Variants in FAT3 observed in about 807,000 individuals in gnomAD.
The protein encoded by FAT3 is protocadherin Fat 3.
A neutral mutation model predicts 310.2 loss-of-function variants in FAT3; 95 were observed. That is an observed-to-expected ratio of 0.31 (90% CI 0.26 to 0.36). The LOEUF (loss-of-function observed/expected upper bound fraction) is 0.36, where lower values mean the gene tolerates loss of function less well. Ranked by LOEUF, FAT3 falls within the 10% of genes least tolerant of loss-of-function variation. The probability of loss-of-function intolerance (pLI) is 1.00; values close to 1 mark genes in which losing one functional copy is unlikely to be tolerated. For synonymous variants in FAT3, 2,314 were observed against 2,192.9 expected (o/e 1.06, Z -1.54); for missense variants, 5,408 against 5,715.6 (o/e 0.95, Z 1.74).
intron 3 of FAT3, among the ~76,000 whole-genome samples, chr11:92,674,760 C>G (rs957037381): frequency 6.6e-6 from 1 of 152,096 alleles, no homozygotes; most frequent in Non-Finnish European, 1.5e-5. Flanking sequence ...AGCTCCCATG[C>G]TCAAGCGATC....
Position 92,801,863 on chromosome 11 carries a change from C to G in FAT3, c.8850C>G (p.Asp2950Glu), listed in dbSNP as rs1197929327. The change falls in exon 10 of 28, where the codon GAC becomes GAG. Residue 2950 changes from aspartate to glutamate, a missense_variant. Around this residue, in one of 5 missense-constraint regions of FAT3, gnomAD observed 4,588 missense variants for 4,809.8 expected, o/e 0.95. Transcript: ENST00000525166. ...GEVVAVLSTW[D>E]RDTSDVNRQV... ...TGGTAGCCGTCCTCAGCACCTGGGA[C>G]AGAGACACATCCGACGTTAATCGCC... 5.6e-6 allele frequency: 9 copies of G among 1,613,816 alleles called. No individual in the cohort carries two copies. The highest frequency in any genetic ancestry group is 1.7e-5 in the Admixed American group (1 of 59,998).
At position 92,442,105 on chromosome 11, in the gene FAT3, A is replaced by ATTTTTTTTT. The variant is rs1565320166; in HGVS notation, c.3293-82528_3293-82527insTTTTTTTTT. 2.3e-3 allele frequency among the ~76,000 whole-genome samples: 47 copies of ATTTTTTTTT among 20,336 alleles called. 2 individuals are homozygous for ATTTTTTTTT. The highest frequency in any genetic ancestry group is 7.0e-3 in the African/African-American group (41 of 5,834). 13.3% of individuals were successfully genotyped at this position (20,336 alleles called of 152,430 possible). ...TTTATATATATATATATATATATAT[A>ATTTTTTTTT]TATATATTTTTTTTTTTTTTTTTTT... On this transcript the variant is annotated intron_variant, in intron 2 of 27. Coordinates refer to ENST00000525166, the MANE Select transcript of FAT3 (RefSeq NM_001367949.2).
At chr11:92,848,614 C>A (rs1391938936) in intron 19 of FAT3, among the ~76,000 whole-genome samples, 1 of 152,204 alleles carries the variant, frequency 6.6e-6, no homozygotes, top group Non-Finnish European at 1.5e-5. Flanking sequence ...AGTTTACAAC[C>A]AGTGTGTTTA....
At chr11:92,414,325 C>A (rs1300320142) in intron 2 of FAT3, among the ~76,000 whole-genome samples, 2 of 152,126 alleles carry the variant, frequency 1.3e-5, no homozygotes, top group Non-Finnish European at 2.9e-5. Flanking sequence ...AACTAGAGAA[C>A]AATTGACAGT....
intron 2 of FAT3, among the ~76,000 whole-genome samples, chr11:92,513,704 G>A (rs531083583): frequency 7.2e-5 from 11 of 152,208 alleles, no homozygotes; most frequent in South Asian, 2.1e-4. Context: ...AGAAATAAGC[G>A]TTAAATGAAT....
intron 3 of FAT3, among the ~76,000 whole-genome samples, chr11:92,665,257 T>C (rs997486644): frequency 2.0e-5 from 3 of 152,168 alleles, no homozygotes; most frequent in Non-Finnish European, 4.4e-5. Flanking sequence ...CCTCAGTTCG[T>C]CTCTGCTGTG....
intron 3 of FAT3, among the ~76,000 whole-genome samples, chr11:92,585,033 A>T (rs1001479149): frequency 6.6e-6 from 1 of 152,148 alleles, no homozygotes; most frequent in Admixed American, 6.6e-5. Flanking sequence ...TGCTAAAAAA[A>T]AATGTAACAT....
At chr11:92,579,132 G>A (rs543549324) in intron 3 of FAT3, among the ~76,000 whole-genome samples, 11 of 152,112 alleles carry the variant, frequency 7.2e-5, no homozygotes, top group African/African-American at 2.6e-4. Context: ...ATCAGTGGTT[G>A]GTTCTTATTA....
At chr11:92,276,234 T>A (rs1946266758) in intron 1 of FAT3, among the ~76,000 whole-genome samples, 1 of 152,158 alleles carries the variant, frequency 6.6e-6, no homozygotes, top group Admixed American at 6.6e-5. Flanking sequence ...TATAATACAT[T>A]TTTATCAAAT....
chr11:92,360,508 T>C (rs10501780), intron 2 of FAT3, among the ~76,000 whole-genome samples: 3,984 of 152,320 alleles, frequency 0.026, 61 homozygotes, highest in Non-Finnish European at 0.033. Context: ...GGGATTCATA[T>C]TTTTGACTAC....
intron 17 of FAT3, among the ~76,000 whole-genome samples, chr11:92,838,039 C>G (rs1011403790): frequency 6.6e-6 from 1 of 152,146 alleles, no homozygotes; most frequent in Non-Finnish European, 1.5e-5. Flanking sequence ...CACTCTGTCT[C>G]TCCCCACAAC....
At chr11:92,810,979 A>G (rs879627150) in intron 13 of FAT3, among the ~76,000 whole-genome samples, 52 of 152,362 alleles carry the variant, frequency 3.4e-4, no homozygotes, top group African/African-American at 1.2e-3. Flanking sequence ...GGACTAATGG[A>G]AAAGTAAATA....
intron 1 of FAT3, among the ~76,000 whole-genome samples, chr11:92,330,940 G>T (rs931383869): frequency 6.6e-6 from 1 of 150,920 alleles, no homozygotes; most frequent in Non-Finnish European, 1.5e-5. Context: ...GGGATTTCTT[G>T]TTAGGGAAAT....
chr11:92,383,060 C>T (rs1949537213), intron 2 of FAT3, among the ~76,000 whole-genome samples: 1 of 152,146 alleles, frequency 6.6e-6, no homozygotes, highest in Non-Finnish European at 1.5e-5. Context: ...CATTGTTCAC[C>T]TCCTGCTTAT....
chr11:92,760,536 G>A (rs1431523990), intron 4 of FAT3, among the ~76,000 whole-genome samples: 4 of 152,038 alleles, frequency 2.6e-5, no homozygotes, highest in East Asian at 3.9e-4. Context: ...ATTAAATATG[G>A]GTTCTTCCTT....
intron 3 of FAT3, among the ~76,000 whole-genome samples, chr11:92,531,108 T>A (rs1565388602): frequency 6.6e-6 from 1 of 152,138 alleles, no homozygotes; most frequent in Non-Finnish European, 1.5e-5. Context: ...AGGCAGATAA[T>A]GTAGCGAATG....
At chr11:92,269,155 G>C (rs1946051164) in intron 1 of FAT3, among the ~76,000 whole-genome samples, 1 of 150,736 alleles carries the variant, frequency 6.6e-6, no homozygotes, top group Non-Finnish European at 1.5e-5. Context: ...TTAGACTGAA[G>C]GTCAAAAGTT....
At chr11:92,294,833 T>G (rs2134406920) in intron 1 of FAT3, among the ~76,000 whole-genome samples, 1 of 152,260 alleles carries the variant, frequency 6.6e-6, no homozygotes, top group South Asian at 2.1e-4. Context: ...TTTGTCAGAA[T>G]GTTAATTCCA....
At chr11:92,506,158 A>G (rs756997864) in intron 2 of FAT3, among the ~76,000 whole-genome samples, 5 of 152,082 alleles carry the variant, frequency 3.3e-5, no homozygotes, top group African/African-American at 9.7e-5. Flanking sequence ...GGCTGTTCCT[A>G]ATTTCTCTTT....
Sources: allele counts gnomAD v4.1 joint callset (sites outside exome capture counted in the v4.1 genomes callset), GRCh38; gene constraint gnomAD v4.1.1; regional missense constraint gnomAD v4.1.1; transcripts MANE v1.5; gene names NCBI Gene and HGNC (gene_info 2026-07-23, HGNC 2026-07-21).